The following PLEKHM2 variants were observed in gnomAD, a reference collection of about 807,000 sequenced individuals.
PLEKHM2 encodes pleckstrin homology domain-containing family M member 2.
PLEKHM2 carries 77 observed loss-of-function variants against 116.3 expected under a neutral mutation model. The ratio of observed to expected loss-of-function variants is 0.66; its 90% CI spans 0.55 to 0.80. The LOEUF (loss-of-function observed/expected upper bound fraction) is 0.80, where lower values mean the gene tolerates loss of function less well. PLEKHM2 is among the 30% of genes least tolerant of loss of function. The probability of loss-of-function intolerance (pLI) is 0.00; values close to 1 mark genes in which losing one functional copy is unlikely to be tolerated. For missense variants in PLEKHM2, 1,183 were observed against 1,354.9 expected (o/e 0.87, Z 1.99); for synonymous variants, 562 against 571.0 (o/e 0.98, Z 0.22).
chr1:15,692,356 G>A (rs1640905508), intron 1 of PLEKHM2, among the ~76,000 whole-genome samples: 1 of 152,152 alleles, frequency 6.6e-6, no homozygotes, highest in Non-Finnish European at 1.5e-5. Context: ...TTAAGGGTCA[G>A]TGTGCCTTCT....
intron 1 of PLEKHM2, among the ~76,000 whole-genome samples, chr1:15,692,564 A>G (rs1010765082): frequency 6.6e-6 from 1 of 152,192 alleles, no homozygotes; most frequent in African/African-American, 2.4e-5. Flanking sequence ...TGGAGAAGTG[A>G]TAACTGCTTT....
chr1:15,688,198 A>C (rs1406850761), intron 1 of PLEKHM2, among the ~76,000 whole-genome samples: 1 of 152,158 alleles, frequency 6.6e-6, no homozygotes, highest in Non-Finnish European at 1.5e-5. Flanking sequence ...CTATTTTCAC[A>C]CTTAGATTTT....
At position 15,727,138 on chromosome 1, in the gene PLEKHM2, G is replaced by A. The variant is rs200329773; in HGVS notation, c.1066G>A (p.Gly356Ser). The change falls in exon 9 of 20, where the codon GGC becomes AGC. Residue 356 changes from glycine to serine, a missense_variant. Coordinates refer to ENST00000375799, the MANE Select transcript of PLEKHM2 (RefSeq NM_015164.4). This position sits in a 1 kb window ranked among gnomAD's most constrained non-coding sequence, Gnocchi z 7.5. ...AKQGDGDSRN[G>S]SPSLGRDSPD... is the part of the protein sequence containing the mutation. ...GCAGGGGGACGGTGACAGCCGCAAC[G>A]GCAGCCCAAGCCTTGGGCGGGACTC... 20 of 1,593,048 alleles carry A rather than the reference G, an allele frequency of 1.3e-5. 1 individual carries two copies. The highest frequency in any genetic ancestry group is 6.8e-5 in the South Asian group (6 of 88,358).
At chr1:15,724,629 G>A (rs1042907192) in intron 7 of PLEKHM2, among the ~76,000 whole-genome samples, 20 of 152,110 alleles carry the variant, frequency 1.3e-4, no homozygotes, top group African/African-American at 4.8e-4. Context: ...TTGCCCCTTC[G>A]CACCTTGCTC....
chr1:15,695,814 T>C (rs1193492654), intron 1 of PLEKHM2, among the ~76,000 whole-genome samples: 1 of 151,806 alleles, frequency 6.6e-6, no homozygotes, highest in Non-Finnish European at 1.5e-5. Context: ...TTGGGGTTTG[T>C]TTTTTGAGAC....
Position 15,729,037 on chromosome 1 carries a change from A to G in PLEKHM2, c.1987-65A>G. 2 of 1,448,054 alleles carry G rather than the reference A, an allele frequency of 1.4e-6. No homozygotes were observed. Among genetic ancestry groups the G allele is most frequent in the South Asian group, 2.4e-5 (2 of 82,296 alleles). 89.7% of individuals were successfully genotyped at this position (1,448,054 alleles called of 1,614,324 possible). ...TCCCCAGCAAGCGCTCAGCCTGGCC[A>G]AGCTGCCTTCTCCGCCAGGCAGCAG... is the stretch of plus-strand genomic sequence containing the variant. On this transcript the variant is annotated intron_variant, in intron 12 of 19. Transcript: ENST00000375799. The surrounding 1 kb of genome is among the most constrained non-coding windows in gnomAD (Gnocchi z 4.7).
intron 1 of PLEKHM2, among the ~76,000 whole-genome samples, chr1:15,708,891 C>T (rs1026505079): frequency 9.9e-5 from 15 of 152,224 alleles, no homozygotes; most frequent in Non-Finnish European, 1.9e-4. Context: ...GTCATCATAG[C>T]TGCTAACATT....
intron 1 of PLEKHM2, 140 bp from the exon 2 acceptor site, chr1:15,716,097 T>G (rs1571049901): frequency 1.7e-6 from 1 of 589,646 alleles, no homozygotes; most frequent in East Asian, 2.8e-5. Flanking sequence ...GGGACAGGGG[T>G]GGTTTGAGGT....
intron 1 of PLEKHM2, among the ~76,000 whole-genome samples, chr1:15,704,384 T>C (rs1641179945): frequency 7.1e-6 from 1 of 141,746 alleles, no homozygotes; most frequent in South Asian, 2.6e-4. Flanking sequence ...TGACCCAAAA[T>C]AGGCAGAATG....
chr1:15,726,458 A>G (rs1298678006), intron 8 of PLEKHM2, among the ~76,000 whole-genome samples: 34 of 152,152 alleles, frequency 2.2e-4, no homozygotes, highest in Non-Finnish European at 2.2e-4. Context: ...AGGCCACCCC[A>G]TGGGCTGGTT....
chr1:15,715,683 C>A (rs891607813), intron 1 of PLEKHM2, among the ~76,000 whole-genome samples: 4 of 152,042 alleles, frequency 2.6e-5, no homozygotes, highest in Non-Finnish European at 5.9e-5. Context: ...AGATACTTTT[C>A]TAATATATGA....
Position 15,721,121 on chromosome 1 carries a change from G to T in PLEKHM2, c.653-208G>T. ...TCACCCTGACAGGTCTTTCCAGCTG[G>T]TTGGAGGCTCCTGGGCCAGCGCCTG... On this transcript the variant is annotated intron_variant, in intron 6 of 19. Coordinates refer to ENST00000375799, the MANE Select transcript of PLEKHM2 (RefSeq NM_015164.4). This position sits in a 1 kb window ranked among gnomAD's most constrained non-coding sequence, Gnocchi z 5.1. The T allele has an allele frequency of 1.9e-6, 1 of 532,688 alleles. No individual in the cohort carries two copies. Among genetic ancestry groups the T allele is most frequent in the Non-Finnish European group, 3.3e-6 (1 of 301,640 alleles). 33.0% of individuals were successfully genotyped at this position (532,688 alleles called of 1,614,324 possible).
At position 15,722,701 on chromosome 1, in the gene PLEKHM2, A is replaced by G. The variant is rs558855256; in HGVS notation, c.712+1313A>G. On this transcript the variant is annotated intron_variant, in intron 7 of 19. Transcript: ENST00000375799. The stretch of plus-strand genomic sequence containing the variant: ...GATGTGGCATTGGGAAAAATAAACT[A>G]TGACACTTGGCCAAGAGTAGCATTG... The G allele has an allele frequency of 2.0e-5, 3 of 152,346 alleles. No individual in the cohort carries two copies. The South Asian group carries it at 6.2e-4, about 32-fold the overall frequency. The allele number at this position is 152,346 out of a possible 1,614,324, so 9.4% of individuals were successfully genotyped here. A position where few individuals can be genotyped will look rare whatever the true frequency, so the allele number is the denominator to read the frequency against.
intron 1 of PLEKHM2, among the ~76,000 whole-genome samples, chr1:15,694,591 G>A (rs1448606619): frequency 1.3e-5 from 2 of 152,028 alleles, no homozygotes; most frequent in Admixed American, 6.6e-5. Context: ...AGGTGAATAA[G>A]GATGATTTCT....
intron 8 of PLEKHM2, among the ~76,000 whole-genome samples, chr1:15,726,148 C>T (rs1342168069): frequency 6.6e-6 from 1 of 152,194 alleles, no homozygotes; most frequent in East Asian, 1.9e-4. Flanking sequence ...CTGGGTCTGC[C>T]TAAGATCAGA....
chr1:15,685,870 T>C (rs930217799), intron 1 of PLEKHM2, among the ~76,000 whole-genome samples: 1 of 152,218 alleles, frequency 6.6e-6, no homozygotes, highest in African/African-American at 2.4e-5. Context: ...TGAGCTTTGC[T>C]AATGTAATGG....
chr1:15,706,124 C>T (rs1641220920), intron 1 of PLEKHM2, among the ~76,000 whole-genome samples: 1 of 152,128 alleles, frequency 6.6e-6, no homozygotes, highest in Non-Finnish European at 1.5e-5. Flanking sequence ...ATAGTGACAT[C>T]GAGTTATGTA....
At chr1:15,710,161 A>AGG in intron 1 of PLEKHM2, among the ~76,000 whole-genome samples, 1 of 147,046 alleles carries the variant, frequency 6.8e-6, no homozygotes, top group Admixed American at 6.8e-5. Flanking sequence ...TGGGAGGCGG[A>AGG]GCTTGCAGTG....
intron 1 of PLEKHM2, among the ~76,000 whole-genome samples, chr1:15,714,229 C>T (rs182431420): frequency 1.3e-5 from 2 of 151,960 alleles, no homozygotes; most frequent in Admixed American, 1.3e-4. Flanking sequence ...TGTGAGCCAC[C>T]ACACCCGGCC....
Sources: gnomAD v4.1 joint callset for allele counts (sites outside exome capture counted in the v4.1 genomes callset) on GRCh38, gnomAD v4.1.1 for gene constraint, Gnocchi (gnomAD v3.1) non-coding constraint, MANE v1.5 for transcripts, NCBI Gene and HGNC (gene_info 2026-07-23, HGNC 2026-07-21) for gene names.